RAB35: variants seen among roughly 807,000 people sequenced by gnomAD.
RAB35 encodes the protein ras-related protein Rab-35.
RAB35 carries 4 observed loss-of-function variants against 28.9 expected under a neutral mutation model. The observed-to-expected ratio is 0.14, with a 90% CI of 0.07 to 0.32. The LOEUF is 0.32. Ranked by LOEUF, RAB35 falls within the 10% of genes least tolerant of loss-of-function variation. RAB35 has a pLI of 1.00. For synonymous variants in RAB35, 99 were observed against 105.1 expected (o/e 0.94, Z 0.35); for missense variants, 128 against 274.0 (o/e 0.47, Z 3.76).
chr12:120,104,086 G>C, intron 2 of RAB35, 137 bp from the exon 3 acceptor site: 1 of 1,214,006 alleles, frequency 8.2e-7, no homozygotes, highest in Non-Finnish European at 1.1e-6. Context: ...TAGGTCCCAG[G>C]GACACAGCCC....
chr12:120,098,962 G>T (rs750768828), intron 4 of RAB35, 27 bp from the exon 5 acceptor site: 48 of 1,613,990 alleles, frequency 3.0e-5, no homozygotes, highest in Non-Finnish European at 4.0e-5. Flanking sequence ...AGTCAGCGCA[G>T]CCCTGAGGGG....
chr12:120,113,871 G>C (rs1281066106), intron 1 of RAB35, among the ~76,000 whole-genome samples: 1 of 152,156 alleles, frequency 6.6e-6, no homozygotes, highest in Non-Finnish European at 1.5e-5. Context: ...ATAACGAAGG[G>C]ATGCAGAGAT....
In RAB35 at chr12:120,097,067, C is replaced by A. The variant is rs777093205; in HGVS notation, c.*178G>T. The A allele has an allele frequency of 3.9e-6, 6 of 1,540,192 alleles. No homozygotes were observed. The Admixed American group carries it at 1.2e-4, about 30-fold the overall frequency. ...TAGGGAAGGGCGGGCTGGTCCAACA[C>A]CTTCTTGGCACTCGAGGAGGGCGGG... On this transcript the variant is annotated 3_prime_UTR_variant, in exon 6 of 6. Coordinates refer to ENST00000229340, the MANE Select transcript of RAB35 (RefSeq NM_006861.7).
intron 3 of RAB35, among the ~76,000 whole-genome samples, chr12:120,100,113 A>G (rs1020759643): frequency 6.6e-6 from 1 of 151,452 alleles, no homozygotes; most frequent in Non-Finnish European, 1.5e-5. Context: ...AATTACCTCC[A>G]CCCCCATGAG....
At position 120,096,582 on chromosome 12, in the gene RAB35, G is replaced by C. The variant is rs1156917179; in HGVS notation, c.*663C>G. The C allele has an allele frequency of 2.3e-6, 3 of 1,289,720 alleles. No individual in the cohort carries two copies. The highest frequency in any genetic ancestry group is 1.2e-5 in the South Asian group (1 of 81,034). The allele number at this position is 1,289,720 out of a possible 1,614,324, so 79.9% of individuals were successfully genotyped here. On this transcript the variant is annotated 3_prime_UTR_variant, in exon 6 of 6. Transcript: ENST00000229340. ...CAGGACAAGAAATCTGTTGGCCAAA[G>C]GGCAAGACCTGCCACCTCTGTGGAA...
chr12:120,113,817 C>CAAA (rs60143564), intron 1 of RAB35, among the ~76,000 whole-genome samples: 1 of 112,816 alleles, frequency 8.9e-6, no homozygotes. Context: ...GACTCCGTCT[C>CAAA]AAAAAAAAAA....
chr12:120,114,196 C>G (rs112912063), intron 1 of RAB35, among the ~76,000 whole-genome samples: 2 of 152,202 alleles, frequency 1.3e-5, no homozygotes, highest in African/African-American at 4.8e-5. Context: ...CAGGTTCAAG[C>G]GATTCTCCTG....
At chr12:120,101,016 C>T (rs1466298170) in intron 3 of RAB35, among the ~76,000 whole-genome samples, 1 of 152,230 alleles carries the variant, frequency 6.6e-6, no homozygotes. Context: ...CGGCGCACAG[C>T]CCCCGCGGCT....
rs1334616741 is a variant in RAB35 at position 120,116,734 on chromosome 12, G to A, written c.-84C>T. 6.7e-6 allele frequency: 8 copies of A among 1,202,100 alleles called. No individual in the cohort carries two copies. In the South Asian group the frequency reaches 2.1e-4, roughly 31 times the overall value. The allele number at this position is 1,202,100 out of a possible 1,614,324, so 74.5% of individuals were successfully genotyped here. A position where few individuals can be genotyped will look rare whatever the true frequency, so the allele number is the denominator to read the frequency against. On this transcript the variant is annotated 5_prime_UTR_variant, in exon 1 of 6. Transcript: ENST00000229340. Reference sequence around the variant, plus strand: ...GCTCCCTTCGGGCTGCTCCGGCAGCGGCGGATCCACTTCCCGAACAAACAG... The same window carrying A: ...GCTCCCTTCGGGCTGCTCCGGCAGCAGCGGATCCACTTCCCGAACAAACAG...
At chr12:120,106,926 G>C (rs954470926) in intron 2 of RAB35, among the ~76,000 whole-genome samples, 1 of 151,516 alleles carries the variant, frequency 6.6e-6, no homozygotes, top group Admixed American at 6.6e-5. Context: ...CCATGTCAGA[G>C]GGAATTCTCC....
intron 3 of RAB35, among the ~76,000 whole-genome samples, chr12:120,101,334 G>A (rs902936168): frequency 1.3e-5 from 2 of 152,128 alleles, no homozygotes; most frequent in South Asian, 2.1e-4. Flanking sequence ...AAGTCCTGGC[G>A]CCCAGGGCTG....
intron 3 of RAB35, among the ~76,000 whole-genome samples, chr12:120,101,050 G>A (rs950093783): frequency 5.9e-5 from 9 of 152,216 alleles, no homozygotes; most frequent in Admixed American, 3.9e-4. Flanking sequence ...TGCCTCATCC[G>A]GGGCCCAGGA....
chr12:120,107,565 C>T (rs959878786), intron 2 of RAB35, among the ~76,000 whole-genome samples: 2 of 152,058 alleles, frequency 1.3e-5, no homozygotes, highest in Non-Finnish European at 1.5e-5. Flanking sequence ...TACAGAAACA[C>T]GTGCACAAGA....
At chr12:120,110,115 C>T (rs1473376556) in intron 1 of RAB35, among the ~76,000 whole-genome samples, 1 of 152,076 alleles carries the variant, frequency 6.6e-6, no homozygotes, top group Non-Finnish European at 1.5e-5. Flanking sequence ...CCTCCCAATA[C>T]ACATTGCTGG....
Position 120,099,298 on chromosome 12 carries a change from G to A in RAB35, c.228-144C>T, listed in dbSNP as rs1013390288. On this transcript the variant is annotated intron_variant, in intron 3 of 5. Coordinates refer to ENST00000229340, the MANE Select transcript of RAB35 (RefSeq NM_006861.7). ...GGGCTCTCACTCAGCCTCGGCAGAT[G>A]CCCCCGAGCCACAACAGGCCAGCAG... 4.5e-5 allele frequency: 47 copies of A among 1,051,658 alleles called. No homozygotes were observed. In the African/African-American group the frequency reaches 7.2e-4, roughly 16 times the overall value. The allele number at this position is 1,051,658 out of a possible 1,614,324, so 65.1% of individuals were successfully genotyped here.
chr12:120,098,934 C>T lies in RAB35; in HGVS notation c.354G>A (p.Val118=). The stretch of plus-strand genomic sequence containing the variant: ...GCTCAGGGTCGTCATTCTTATTACC[C>T]ACTTCAAACGAAGGCAGAGTCAGCG... ...QNCDDVCRIL[V]GNKNDDPERK... is the part of the protein sequence containing the mutation. The change falls in exon 5 of 6, where the codon GTG becomes GTA. Residue 118 remains valine (V), a splice_region_variant and synonymous_variant. Transcript: ENST00000229340. The T allele has an allele frequency of 6.2e-7, 1 of 1,614,232 alleles. No homozygotes were observed. Among genetic ancestry groups the T allele is most frequent in the Non-Finnish European group, 8.5e-7 (1 of 1,180,042 alleles).
chr12:120,100,742 T>C (rs981990801), intron 3 of RAB35, among the ~76,000 whole-genome samples: 1 of 152,226 alleles, frequency 6.6e-6, no homozygotes, highest in Non-Finnish European at 1.5e-5. Context: ...GCGTCGCTCC[T>C]TGGCTTCGGG....
At chr12:120,102,326 G>A (rs958261884) in intron 3 of RAB35, among the ~76,000 whole-genome samples, 1 of 152,236 alleles carries the variant, frequency 6.6e-6, no homozygotes, top group African/African-American at 2.4e-5. Flanking sequence ...CGGCATGAGG[G>A]CTTGCCTCGC....
chr12:120,108,671 G>A (rs774297674), intron 1 of RAB35: 20 of 685,688 alleles, frequency 2.9e-5, no homozygotes, highest in East Asian at 5.6e-5. Flanking sequence ...CTTTTCCTTC[G>A]TCCTTGTGTA....
Sources: allele counts gnomAD v4.1 joint callset (sites outside exome capture counted in the v4.1 genomes callset), GRCh38; gene constraint gnomAD v4.1.1; transcripts MANE v1.5; gene names NCBI Gene and HGNC (gene_info 2026-07-23, HGNC 2026-07-21).